DPP6: variants seen among roughly 807,000 people sequenced by gnomAD.
The protein encoded by DPP6 is A-type potassium channel modulatory protein DPP6.
In DPP6, 69 loss-of-function variants were observed where a neutral mutation model predicts 122.6. The observed-to-expected ratio is 0.56, with a 90% CI of 0.46 to 0.69. DPP6 has a LOEUF of 0.69. Ranked by LOEUF, DPP6 falls within the 30% of genes least tolerant of loss-of-function variation. The pLI is 0.00. For missense variants in DPP6, 928 were observed against 1,116.9 expected (o/e 0.83, Z 2.41); for synonymous variants, 418 against 433.1 (o/e 0.97, Z 0.43).
At chr7:154,786,801 TTTCAC>T (rs1229288390) in intron 10 of DPP6, among the ~76,000 whole-genome samples, 13 of 152,240 alleles carry the variant, frequency 8.5e-5, no homozygotes, top group Non-Finnish European at 2.9e-5. Flanking sequence ...TGTGTTTTCT[TTTCAC>T]TTATCACCGT....
rs1421127860 is a variant in DPP6 at position 154,063,624 on chromosome 7, C to T, written c.243+10561C>T. Among the ~76,000 whole-genome samples, 19 of 129,634 alleles carry T rather than the reference C, an allele frequency of 1.5e-4. No homozygotes were observed. In the East Asian group the frequency reaches 1.5e-3, roughly 10 times the overall value. The allele number at this position is 129,634 out of a possible 152,430, so 85.0% of individuals were successfully genotyped here. A position where few individuals can be genotyped will look rare whatever the true frequency, so the allele number is the denominator to read the frequency against. ...AGTGAGGGAGGCACCCCCCACGAGG[C>T]AGGGACTGAGAGCCACTCCCTCTTC... On this transcript the variant is annotated intron_variant, in intron 1 of 25. Coordinates refer to ENST00000377770, the MANE Select transcript of DPP6 (RefSeq NM_130797.4).
intron 16 of DPP6, among the ~76,000 whole-genome samples, chr7:154,822,317 A>G (rs1799845996): frequency 2.0e-5 from 3 of 152,212 alleles, no homozygotes; most frequent in Admixed American, 2.0e-4. Flanking sequence ...CCCAAGGCCA[A>G]GGCAACTCGG....
At chr7:153,775,604 A>G in the DPP6 span, among the ~76,000 whole-genome samples, 2 of 152,082 alleles carry the variant, frequency 1.3e-5, no homozygotes, top group Admixed American at 6.5e-5. Context: ...AGTCAGGAAA[A>G]GAAATAAAGG....
chr7:154,425,574 T>C (rs1205967381), intron 1 of DPP6, among the ~76,000 whole-genome samples: 5 of 151,494 alleles, frequency 3.3e-5, no homozygotes, highest in Non-Finnish European at 5.9e-5. Flanking sequence ...AATTTCTTTC[T>C]TCTGTTTATA....
At position 154,801,448 on chromosome 7, in the gene DPP6, G is replaced by A. The variant is rs765064845; in HGVS notation, c.1393G>A (p.Val465Met). Residue 465 changes from valine (V) to methionine (M), a missense_variant, in exon 13 of 26, where the codon GTG becomes ATG. Physicochemically the swap from Val to Met is conservative, Grantham distance 21 (BLOSUM62 1). Transcript: ENST00000377770. Reference sequence around the variant, plus strand: ...ACGAGGGAAATTCTATCACATCACGGTGTCCTCGTCCCAGGTAAGTCCTGC... The same window carrying A: ...ACGAGGGAAATTCTATCACATCACGATGTCCTCGTCCCAGGTAAGTCCTGC... Reference protein sequence around the residue: ...GGRGKFYHITVSSSQPNSSND... With the variant: ...GGRGKFYHITMSSSQPNSSND... 6.3e-7 allele frequency: 1 copy of A among 1,584,452 alleles called. No individual in the cohort carries two copies. Among genetic ancestry groups the A allele is most frequent in the Non-Finnish European group, 8.6e-7 (1 of 1,164,130 alleles).
chr7:154,595,039 A>G (rs1833011446), intron 5 of DPP6, among the ~76,000 whole-genome samples: 1 of 151,192 alleles, frequency 6.6e-6, no homozygotes, highest in Non-Finnish European at 1.5e-5. Context: ...TGACGTTAAG[A>G]TTTTCATTCA....
chr7:154,427,601 T>C (rs1056228655), intron 1 of DPP6, among the ~76,000 whole-genome samples: 2 of 152,250 alleles, frequency 1.3e-5, no homozygotes, highest in African/African-American at 4.8e-5. Context: ...ACATTGATTT[T>C]CACCAATAAC....
intron 5 of DPP6, among the ~76,000 whole-genome samples, chr7:154,632,708 T>C (rs1835480399): frequency 1.3e-5 from 2 of 151,956 alleles, no homozygotes; most frequent in Admixed American, 6.6e-5. Context: ...GAATGGAAGA[T>C]TTCATAGGGG....
At chr7:154,516,097 G>A (rs180869295) in intron 3 of DPP6, among the ~76,000 whole-genome samples, 2 of 152,094 alleles carry the variant, frequency 1.3e-5, no homozygotes, top group African/African-American at 4.8e-5. Flanking sequence ...ATAGTCCAGT[G>A]AACTTGACAG....
intron 1 of DPP6, among the ~76,000 whole-genome samples, chr7:154,106,793 C>T (rs901041585): frequency 6.6e-6 from 1 of 151,994 alleles, no homozygotes; most frequent in Non-Finnish European, 1.5e-5. Flanking sequence ...AAGTTGAGAC[C>T]CATGTGGGGA....
At chr7:154,714,942 A>G (rs142009670) in intron 7 of DPP6, among the ~76,000 whole-genome samples, 1 of 152,294 alleles carries the variant, frequency 6.6e-6, no homozygotes, top group African/African-American at 2.4e-5. Flanking sequence ...ATGAGAAATA[A>G]CTTGGGATAG....
Position 154,280,983 on chromosome 7 carries a change from TTTTATTTA to T in DPP6, c.244-165195_244-165188del, listed in dbSNP as rs146635527. On this transcript the variant is annotated intron_variant, in intron 1 of 25. Transcript: ENST00000377770. The stretch of plus-strand genomic sequence containing the variant: ...AACAAGAACACAATTTTATTTCTTA[TTTTATTTA>T]TTTATTTATTTATTTATTTATTTAT... Among the ~76,000 whole-genome samples the T allele has an allele frequency of 3.2e-3, 454 of 143,048 alleles. 3 individuals are homozygous for T. Among genetic ancestry groups the T allele is most frequent in the African/African-American group, 8.9e-3 (334 of 37,516 alleles). 93.8% of individuals were successfully genotyped at this position (143,048 alleles called of 152,430 possible). A position where few individuals can be genotyped will look rare whatever the true frequency, so the allele number is the denominator to read the frequency against.
At chr7:154,111,129 C>T (rs1209706233) in intron 1 of DPP6, among the ~76,000 whole-genome samples, 4 of 152,200 alleles carry the variant, frequency 2.6e-5, no homozygotes, top group Non-Finnish European at 5.9e-5. Flanking sequence ...GTACCATGGG[C>T]TGTGCTTGAT....
intron 1 of DPP6, among the ~76,000 whole-genome samples, chr7:154,093,211 TCATAC>T (rs1411987291): frequency 7.3e-6 from 1 of 136,932 alleles, no homozygotes; most frequent in African/African-American, 3.4e-5. Flanking sequence ...ACATACCACA[TCATAC>T]ACATCATACA....
At chr7:154,012,281 A>G (rs1281441363) in intron 1 of DPP6, among the ~76,000 whole-genome samples, 1 of 152,230 alleles carries the variant, frequency 6.6e-6, no homozygotes, top group Non-Finnish European at 1.5e-5. Context: ...TAAAAACTAA[A>G]ACTATTAAAT....
At position 154,060,931 on chromosome 7, in the gene DPP6, C is replaced by G. The variant is rs1187776292; in HGVS notation, c.243+7868C>G. ...CTGAGAGCCAGACCCTCTTCCCCCA[C>G]TGGCATAGGACCCCCATCGTTGATG... On this transcript the variant is annotated intron_variant, in intron 1 of 25. Coordinates refer to ENST00000377770, the MANE Select transcript of DPP6 (RefSeq NM_130797.4). Among the ~76,000 whole-genome samples, 11 of 142,618 alleles carry G rather than the reference C, an allele frequency of 7.7e-5. 1 individual carries two copies. The highest frequency in any genetic ancestry group is 1.5e-4 in the Non-Finnish European group (10 of 64,592). 93.6% of individuals were successfully genotyped at this position (142,618 alleles called of 152,430 possible).
intron 8 of DPP6, among the ~76,000 whole-genome samples, chr7:154,768,440 C>T (rs564742967): frequency 2.0e-5 from 3 of 152,154 alleles, no homozygotes; most frequent in Non-Finnish European, 2.9e-5. Flanking sequence ...CTAATAATAG[C>T]GAGTTGAATG....
chr7:154,706,843 CTCTGAAAAGGAAGGTTT>C (rs1447138059), intron 7 of DPP6, among the ~76,000 whole-genome samples: 1 of 152,126 alleles, frequency 6.6e-6, no homozygotes, highest in African/African-American at 2.4e-5. Flanking sequence ...GGGTGGGTGA[CTCTGAAAAGGAAGGTTT>C]TCCTTTAGCG....
At chr7:154,659,098 A>G (rs1837455116) in intron 6 of DPP6, among the ~76,000 whole-genome samples, 1 of 152,244 alleles carries the variant, frequency 6.6e-6, no homozygotes, top group Admixed American at 6.5e-5. Flanking sequence ...TTAACTTGAA[A>G]GGAAAAGAAT....
Sources: gnomAD v4.1 joint callset for allele counts (sites outside exome capture counted in the v4.1 genomes callset) on GRCh38, gnomAD v4.1.1 for gene constraint, MANE v1.5 for transcripts, NCBI Gene and HGNC (gene_info 2026-07-23, HGNC 2026-07-21) for gene names.